Variants in ABCA3 observed in about 807,000 individuals in gnomAD.
The protein encoded by ABCA3 is ATP binding cassette subfamily A member 3.
Under a neutral mutation model 172.8 loss-of-function variants are expected in ABCA3, and 88 were observed. That is an observed-to-expected ratio of 0.51 (90% CI 0.43 to 0.61). The LOEUF (loss-of-function observed/expected upper bound fraction) is 0.61, where lower values mean the gene tolerates loss of function less well. Among genes scored for constraint, ABCA3 ranks in the 20% least tolerant of loss-of-function variants. The pLI, the probability that ABCA3 is intolerant of heterozygous loss-of-function variation, is 0.00. For synonymous variants in ABCA3, 1,066 were observed against 983.8 expected (o/e 1.08, Z -1.56); for missense variants, 2,164 against 2,301.0 (o/e 0.94, Z 1.22).
chr16:2,282,988 A>G (rs1194141783), intron 26 of ABCA3, among the ~76,000 whole-genome samples, 198 bp downstream of exon 26: 1 of 152,182 alleles, frequency 6.6e-6, no homozygotes, highest in East Asian at 1.9e-4. Flanking sequence ...TCACAACTCG[A>G]CAGCCCTTGT....
At chr16:2,324,207 G>A (rs1276104848) in intron 6 of ABCA3, among the ~76,000 whole-genome samples, 197 bp downstream of exon 6, 1 of 152,186 alleles carries the variant, frequency 6.6e-6, no homozygotes, top group African/African-American at 2.4e-5. Context: ...CTGACCCGTG[G>A]GTTTAAATGT....
Position 2,278,039 on chromosome 16 carries a change from C to A in ABCA3, c.4749G>T (p.Arg1583=). 6.2e-7 allele frequency: 1 copy of A among 1,613,396 alleles called. No individual in the cohort carries two copies. The highest frequency in any genetic ancestry group is 8.5e-7 in the Non-Finnish European group (1 of 1,180,022). The change falls in exon 31 of 33, where the codon CGG becomes CGT. Residue 1583 remains arginine (R), a synonymous_variant. Coordinates refer to ENST00000301732, the MANE Select transcript of ABCA3 (RefSeq NM_001089.3). The surrounding 1 kb of genome is among the most constrained non-coding windows in gnomAD (Gnocchi z 4.4). ...ACTGCCCCTGCACCATGATGGCCAG[C>A]CGGGTGCACAGGGCCTCACACTCCT... The part of the protein sequence containing the change: ...SMEECEALCT[R]LAIMVQGQFK...
At chr16:2,276,920 C>T (rs2093647347) in intron 32 of ABCA3, 115 bp from the exon 33 acceptor site, 1 of 1,441,750 alleles carries the variant, frequency 6.9e-7, no homozygotes, top group Non-Finnish European at 9.5e-7. Flanking sequence ...CTACCCCTGC[C>T]CAGCGCCACC....
intron 7 of ABCA3, among the ~76,000 whole-genome samples, chr16:2,322,892 T>C (rs1286746817): frequency 2.0e-5 from 3 of 152,118 alleles, no homozygotes; most frequent in Non-Finnish European, 4.4e-5. Context: ...AGAAAATTTT[T>C]GCAATCTACT....
rs1410302146 is a variant in ABCA3, at chr16:2,319,750, A to G, written c.704T>C (p.Phe235Ser). 1 of 1,613,846 alleles carries G rather than the reference A, an allele frequency of 6.2e-7. No individual in the cohort carries two copies. Among genetic ancestry groups the G allele is most frequent in the East Asian group, 2.2e-5 (1 of 44,876 alleles). The change falls in exon 8 of 33, where the codon TTC (phenylalanine) becomes TCC (serine). Residue 235 changes from phenylalanine (F) to serine (S), a missense_variant. Phe to Ser is a radical substitution (Grantham distance 155). Around this residue, in one of 3 missense-constraint regions of ABCA3, gnomAD observed 1,343 missense variants for 1,369.6 expected, o/e 0.98. Coordinates refer to ENST00000301732, the MANE Select transcript of ABCA3 (RefSeq NM_001089.3). The part of the protein sequence containing the change: ...YHADAATRQL[F>S]QRLTVTIKRF... ...CTTGATGGTCACCGTCAGTCTCTGGAACAGCTGGCGTGTGGCGGCATCGGC... is the reference window on the plus strand; with the variant it reads ...CTTGATGGTCACCGTCAGTCTCTGGGACAGCTGGCGTGTGGCGGCATCGGC...
chr16:2,284,205 T>G lies in ABCA3; in HGVS notation c.3862+74A>C, dbSNP rs1434451676. On this transcript the variant is annotated intron_variant, in intron 25 of 32. Coordinates refer to ENST00000301732, the MANE Select transcript of ABCA3 (RefSeq NM_001089.3). The surrounding 1 kb of genome is among the most constrained non-coding windows in gnomAD (Gnocchi z 5.9). ...CTCAGACGCAGAGGAGCCCCTGCCC[T>G]AGGAGGCCCCTCTGCAGTGACCACG... 3.7e-5 allele frequency: 57 copies of G among 1,526,194 alleles called. No individual in the cohort carries two copies. The highest frequency in any genetic ancestry group is 5.0e-5 in the Non-Finnish European group (57 of 1,129,686). The allele number at this position is 1,526,194 out of a possible 1,614,324, so 94.5% of individuals were successfully genotyped here.
intron 10 of ABCA3, among the ~76,000 whole-genome samples, chr16:2,315,074 G>A (rs941179188): frequency 6.6e-6 from 1 of 150,688 alleles, no homozygotes; most frequent in Non-Finnish European, 1.5e-5. Flanking sequence ...TAGTAGAGAC[G>A]AGGTTTCACT....
chr16:2,331,222 C>CT (rs963963338), intron 1 of ABCA3, among the ~76,000 whole-genome samples: 1 of 151,880 alleles, frequency 6.6e-6, no homozygotes, highest in South Asian at 2.1e-4. Flanking sequence ...CTTTTCTTTT[C>CT]TTTTTTTCTG....
chr16:2,288,256 A>G lies in ABCA3; in HGVS notation c.2774T>C (p.Met925Thr). Residue 925 changes from methionine (M) to threonine (T), a missense_variant, in exon 21 of 33, where the codon ATG becomes ACG. By Grantham distance (81) the Met-to-Thr change is moderately conservative. Around this residue, in one of 3 missense-constraint regions of ABCA3, gnomAD observed 1,343 missense variants for 1,369.6 expected, o/e 0.98. Coordinates refer to ENST00000301732, the MANE Select transcript of ABCA3 (RefSeq NM_001089.3). ...AGGCACCAGGACCTGTGCCGCCACC[A>G]TTTTCCACTCGCGCCAGCTGTATGC... is the stretch of plus-strand genomic sequence containing the variant. The part of the protein sequence containing the change: ...KAAYSWREWK[M>T]VAAQVLVPLT... 1 of 1,592,082 alleles carries G rather than the reference A, an allele frequency of 6.3e-7. No homozygotes were observed. Among genetic ancestry groups the G allele is most frequent in the Non-Finnish European group, 8.6e-7 (1 of 1,169,438 alleles).
At chr16:2,316,000 T>G (rs1489445318) in intron 10 of ABCA3, among the ~76,000 whole-genome samples, 1 of 150,826 alleles carries the variant, frequency 6.6e-6, no homozygotes, top group African/African-American at 2.4e-5. Context: ...TTTTCTTTAA[T>G]AATAAAACAA....
chr16:2,307,135 A>G (rs2093699200), intron 11 of ABCA3, among the ~76,000 whole-genome samples: 1 of 151,904 alleles, frequency 6.6e-6, no homozygotes, highest in African/African-American at 2.4e-5. Context: ...AAAAGAAAAG[A>G]AAAAAAATGC....
In ABCA3 at chr16:2,287,913, A is replaced by C. The variant is rs2093665517; in HGVS notation, c.3004+113T>G. On this transcript the variant is annotated intron_variant, in intron 21 of 32. Coordinates refer to ENST00000301732, the MANE Select transcript of ABCA3 (RefSeq NM_001089.3). The surrounding 1 kb of genome is among the most constrained non-coding windows in gnomAD (Gnocchi z 4.1). Reference sequence around the variant, plus strand: ...GCTGAACCTCCCTCAGTACATTCGGAACAGCCAAGAACCATCCTCCCCAGA... The same window carrying C: ...GCTGAACCTCCCTCAGTACATTCGGCACAGCCAAGAACCATCCTCCCCAGA... 2 of 1,354,148 alleles carry C rather than the reference A, an allele frequency of 1.5e-6. No individual in the cohort carries two copies. The highest frequency in any genetic ancestry group is 3.7e-5 in the Admixed American group (2 of 53,400). 83.9% of individuals were successfully genotyped at this position (1,354,148 alleles called of 1,614,324 possible).
chr16:2,281,142 A>G lies in ABCA3; in HGVS notation c.4244T>C (p.Leu1415Pro). 6.2e-7 allele frequency: 1 copy of G among 1,613,886 alleles called. No individual in the cohort carries two copies. The highest frequency in any genetic ancestry group is 8.5e-7 in the Non-Finnish European group (1 of 1,180,030). The change falls in exon 28 of 33, where the codon CTG becomes CCG. Residue 1415 changes from leucine (L) to proline (P), a missense_variant. Leu to Pro is a moderately conservative substitution (Grantham distance 98). This residue lies in a region of ABCA3 where 795 missense variants were observed against 881.9 expected (regional missense o/e 0.90). Coordinates refer to ENST00000301732, the MANE Select transcript of ABCA3 (RefSeq NM_001089.3). The surrounding 1 kb of genome is among the most constrained non-coding windows in gnomAD (Gnocchi z 4.7). ...GGTCTTCCCGGCTCCATTGAAGCCC[A>G]GCAGGCCGAAGCACTCCCCTTTCTG... is the stretch of plus-strand genomic sequence containing the variant. ...AVQKGECFGL[L>P]GFNGAGKTTT...
intron 7 of ABCA3, among the ~76,000 whole-genome samples, chr16:2,320,131 C>A (rs1413405199): frequency 6.6e-6 from 1 of 151,912 alleles, no homozygotes; most frequent in African/African-American, 2.4e-5. Context: ...CGGAATCTCA[C>A]TCTGTCGCCC....
Position 2,281,057 on chromosome 16 carries a change from C to G in ABCA3, c.4329G>C (p.Gly1443=). 1 of 1,613,894 alleles carries G rather than the reference C, an allele frequency of 6.2e-7. No homozygotes were observed. Among genetic ancestry groups the G allele is most frequent in the Non-Finnish European group, 8.5e-7 (1 of 1,180,012 alleles). ...ESLTSGDAFV[G]GHRISSDVGK... is the part of the protein sequence containing the mutation. The stretch of plus-strand genomic sequence containing the variant: ...CGACATCAGAGCTGATTCTGTGACC[C>G]CCGACAAAGGCATCCCCAGAAGTGA... The change falls in exon 28 of 33, where the codon GGG becomes GGC. Residue 1443 remains glycine, a synonymous_variant. Transcript: ENST00000301732. This position sits in a 1 kb window ranked among gnomAD's most constrained non-coding sequence, Gnocchi z 4.7.
At position 2,326,191 on chromosome 16, in the gene ABCA3, A is replaced by G. The variant is rs2093734101; in HGVS notation, c.138T>C (p.Ile46=). The G allele has an allele frequency of 1.9e-6, 3 of 1,614,122 alleles. No homozygotes were observed. The East Asian group carries it at 6.7e-5, about 36-fold the overall frequency. The change falls in exon 5 of 33, where the codon ATT becomes ATC. Residue 46 remains isoleucine, a synonymous_variant. Coordinates refer to ENST00000301732, the MANE Select transcript of ABCA3 (RefSeq NM_001089.3). The stretch of plus-strand genomic sequence containing the variant: ...TGGCGTTGGGCACATTTTCCGACTG[A>G]ATCTTCAAGCGGAGCCAGATGAGGA... ...SGILIWLRLK[I]QSENVPNATI...
chr16:2,283,077 C>A lies in ABCA3; in HGVS notation c.4035+109G>T. 4 of 1,258,530 alleles carry A rather than the reference C, an allele frequency of 3.2e-6. No homozygotes were observed. The highest frequency in any genetic ancestry group is 4.5e-6 in the Non-Finnish European group (4 of 889,184). 78.0% of individuals were successfully genotyped at this position (1,258,530 alleles called of 1,614,324 possible). On this transcript the variant is annotated intron_variant, in intron 26 of 32. Transcript: ENST00000301732. This position sits in a 1 kb window ranked among gnomAD's most constrained non-coding sequence, Gnocchi z 5.4. ...CCGTACAGTGGGAGACCATCTGGTG[C>A]AGGAGCTGCCTGGTGGAGAAGGAGG...
chr16:2,293,053 T>G (rs995069369), intron 18 of ABCA3, among the ~76,000 whole-genome samples: 32 of 152,128 alleles, frequency 2.1e-4, no homozygotes, highest in Admixed American at 6.6e-4. Flanking sequence ...AAATACCTTT[T>G]TTTTTCTTTT....
At chr16:2,314,383 G>A (rs1471914745) in intron 10 of ABCA3, among the ~76,000 whole-genome samples, 2 of 151,622 alleles carry the variant, frequency 1.3e-5, no homozygotes, top group East Asian at 1.9e-4. Flanking sequence ...AACACTGTAC[G>A]ATTCCTCTTA....
Sources: gnomAD v4.1 joint callset for allele counts (sites outside exome capture counted in the v4.1 genomes callset) on GRCh38, gnomAD v4.1.1 for gene constraint, gnomAD v4.1.1 regional missense constraint, Gnocchi (gnomAD v3.1) non-coding constraint, MANE v1.5 for transcripts, NCBI Gene and HGNC (gene_info 2026-07-23, HGNC 2026-07-21) for gene names.